PTPRS: variants seen among roughly 807,000 people sequenced by gnomAD.
The protein encoded by PTPRS is receptor-type tyrosine-protein phosphatase S.
In PTPRS, 63 loss-of-function variants were observed where a neutral mutation model predicts 215.3. That is an observed-to-expected ratio of 0.29 (90% CI 0.24 to 0.36). The LOEUF is 0.36. Among genes scored for constraint, PTPRS ranks in the 10% least tolerant of loss-of-function variants. The probability of loss-of-function intolerance (pLI) is 1.00; values close to 1 mark genes in which losing one functional copy is unlikely to be tolerated. For missense variants in PTPRS, 2,258 were observed against 2,825.8 expected, an observed-to-expected ratio of 0.80 and a Z score of 4.56; for synonymous variants, 1,404 against 1,191.4, an observed-to-expected ratio of 1.18 and a Z score of -3.68.
intron 17 of PTPRS, among the ~76,000 whole-genome samples, chr19:5,223,651 C>T: frequency 8.9e-6 from 1 of 112,420 alleles, no homozygotes; most frequent in East Asian, 2.1e-4. Flanking sequence ...CAAGCTCTGC[C>T]TCCCGGGTTC....
intron 1 of PTPRS, among the ~76,000 whole-genome samples, chr19:5,315,143 C>T (rs982953243): frequency 6.6e-6 from 1 of 152,044 alleles, no homozygotes; most frequent in Non-Finnish European, 1.5e-5. Context: ...TCTACCTTCA[C>T]TTCTTAGATC....
chr19:5,336,342 C>G (rs1218007913), intron 1 of PTPRS, among the ~76,000 whole-genome samples: 4 of 151,606 alleles, frequency 2.6e-5, no homozygotes, highest in African/African-American at 9.7e-5. Context: ...TCACCTGTTT[C>G]CTAGACATTT....
rs1020631416 is a variant in PTPRS at position 5,223,069 on chromosome 19, C to T, written c.2723G>A (p.Arg908Gln). The change falls in exon 18 of 38, where the codon CGG (arginine) becomes CAG (glutamine). Residue 908 changes from arginine to glutamine, a missense_variant. By Grantham distance (43) the Arg-to-Gln change is conservative (BLOSUM62 1). Coordinates refer to ENST00000262963, the MANE Select transcript of PTPRS (RefSeq NM_002850.4). ...CTCCTCGCCCAGGCCGCCGCGGCTC[C>T]GGGCCGCAAGCCGGAACACATACGT... ...GATYVFRLAA[R>Q]SRGGLGEEAA... is the part of the protein sequence containing the mutation. 5 of 1,554,648 alleles carry T rather than the reference C, an allele frequency of 3.2e-6. No homozygotes were observed. Among genetic ancestry groups the T allele is most frequent in the Admixed American group, 1.9e-5 (1 of 51,828 alleles).
chr19:5,292,958 G>C (rs961723622), intron 1 of PTPRS, among the ~76,000 whole-genome samples: 1 of 152,170 alleles, frequency 6.6e-6, no homozygotes, highest in Non-Finnish European at 1.5e-5. Context: ...GCCTGAATGG[G>C]GGGGCGCCAG....
At chr19:5,270,204 C>G (rs1174565131) in intron 4 of PTPRS, among the ~76,000 whole-genome samples, 2 of 152,166 alleles carry the variant, frequency 1.3e-5, no homozygotes, top group African/African-American at 4.8e-5. Context: ...CCAGGACCCA[C>G]GCAAATGAAA....
intron 1 of PTPRS, among the ~76,000 whole-genome samples, chr19:5,319,582 C>T (rs185168730): frequency 6.6e-6 from 1 of 152,134 alleles, no homozygotes; most frequent in East Asian, 1.9e-4. Context: ...CTCTCTAGGG[C>T]TCAAAGCCCA....
intron 3 of PTPRS, 35 bp downstream of exon 3, chr19:5,274,164 T>C (rs375037846): frequency 2.8e-5 from 45 of 1,586,962 alleles, no homozygotes; most frequent in South Asian, 1.1e-4. Context: ...TGGGGGAGCA[T>C]TGACCCCAGG....
chr19:5,285,940 A>C, intron 2 of PTPRS, 110 bp downstream of exon 2: 1 of 1,011,934 alleles, frequency 9.9e-7, no homozygotes, highest in Non-Finnish European at 1.4e-6. Context: ...ATTTGGCAAA[A>C]TGGAGGGCCC....
chr19:5,315,527 C>A (rs1270447244), intron 1 of PTPRS, among the ~76,000 whole-genome samples: 1 of 144,698 alleles, frequency 6.9e-6, no homozygotes, highest in Non-Finnish European at 1.5e-5. Flanking sequence ...TCATACTTGG[C>A]TAATTTTTAA....
At chr19:5,324,896 G>A (rs528921935) in intron 1 of PTPRS, among the ~76,000 whole-genome samples, 1 of 152,306 alleles carries the variant, frequency 6.6e-6, no homozygotes, top group South Asian at 2.1e-4. Flanking sequence ...GAGCACAGGG[G>A]CAAGAAGAGC....
rs35443727 is a variant in PTPRS at position 5,333,503 on chromosome 19, T to TCACACA, written c.-95+7155_-95+7160dup. 4.7e-3 allele frequency among the ~76,000 whole-genome samples: 697 copies of TCACACA among 147,816 alleles called. 3 individuals are homozygous for TCACACA. Among genetic ancestry groups the TCACACA allele is most frequent in the East Asian group, 0.035 (175 of 5,016 alleles). On this transcript the variant is annotated intron_variant, in intron 1 of 37. Coordinates refer to ENST00000262963, the MANE Select transcript of PTPRS (RefSeq NM_002850.4). ...AGCCTGAGCAACAGTGTGAGTCCTG[T>TCACACA]CACACACACACACACACACACACAA...
Position 5,239,551 on chromosome 19 carries a change from T to C in PTPRS, c.1705-488A>G, listed in dbSNP as rs543337226. Among the ~76,000 whole-genome samples, 3 of 138,180 alleles carry C rather than the reference T, an allele frequency of 2.2e-5. No individual in the cohort carries two copies. The East Asian group carries it at 6.7e-4, about 31-fold the overall frequency. 90.7% of individuals were successfully genotyped at this position (138,180 alleles called of 152,430 possible). A position where few individuals can be genotyped will look rare whatever the true frequency, so the allele number is the denominator to read the frequency against. Reference sequence around the variant, plus strand: ...ATAGAGAAATTGAGAAGGAGACAGATACAGAGATAGACACACAGAGACAGA... The same window carrying C: ...ATAGAGAAATTGAGAAGGAGACAGACACAGAGATAGACACACAGAGACAGA... On this transcript the variant is annotated intron_variant, in intron 12 of 37. Transcript: ENST00000262963.
At chr19:5,263,870 A>T (rs2046209661) in intron 5 of PTPRS, among the ~76,000 whole-genome samples, 1 of 152,218 alleles carries the variant, frequency 6.6e-6, no homozygotes, top group Non-Finnish European at 1.5e-5. Context: ...CGTGTGTGAC[A>T]GCAGCCAGGC....
chr19:5,222,231 G>A lies in PTPRS; in HGVS notation c.3104-11C>T. 1 of 1,609,436 alleles carries A rather than the reference G, an allele frequency of 6.2e-7. No homozygotes were observed. The highest frequency in any genetic ancestry group is 8.5e-7 in the Non-Finnish European group (1 of 1,176,334). On this transcript the variant is annotated splice_polypyrimidine_tract_variant and intron_variant, in intron 18 of 37. Transcript: ENST00000262963. ...AGTTCTTGGGCGAGACTGCCGGGGA[G>A]GCGGCCGAGCAGGGAGAGAGCAGAA...
chr19:5,289,704 A>T (rs570548058), intron 1 of PTPRS, among the ~76,000 whole-genome samples: 1 of 152,278 alleles, frequency 6.6e-6, no homozygotes, highest in Admixed American at 6.5e-5. Flanking sequence ...TGGATTTAAT[A>T]TTGGCTGAGG....
intron 12 of PTPRS, 34 bp from the exon 13 acceptor site, chr19:5,239,097 G>A: frequency 6.4e-7 from 1 of 1,554,706 alleles, no homozygotes; most frequent in Non-Finnish European, 8.8e-7. Context: ...AGAGAGGGAT[G>A]GGGGAGAGAG....
chr19:5,214,281 C>A, intron 30 of PTPRS, 80 bp downstream of exon 30: 1 of 1,593,916 alleles, frequency 6.3e-7, no homozygotes, highest in East Asian at 2.3e-5. Context: ...GGGGAGCTCC[C>A]TGGGTAGAAG....
At chr19:5,220,946 A>G (rs2041926817) in intron 20 of PTPRS, 54 bp downstream of exon 20, 5 of 1,552,924 alleles carry the variant, frequency 3.2e-6, no homozygotes, top group Non-Finnish European at 4.4e-6. Context: ...TGCCCCAGCC[A>G]TATAGTAGGC....
chr19:5,329,222 A>C (rs2098217613), intron 1 of PTPRS, among the ~76,000 whole-genome samples: 1 of 152,090 alleles, frequency 6.6e-6, no homozygotes, highest in Non-Finnish European at 1.5e-5. Flanking sequence ...TGGAACGGAC[A>C]AAGGGGAGGG....
Sources: allele counts gnomAD v4.1 joint callset (sites outside exome capture counted in the v4.1 genomes callset), GRCh38; gene constraint gnomAD v4.1.1; transcripts MANE v1.5; gene names NCBI Gene and HGNC (gene_info 2026-07-23, HGNC 2026-07-21).